Variants in ELAVL4 observed in about 807,000 individuals in gnomAD.
ELAVL4 encodes the protein ELAV like RNA binding protein 4, also known as ELAV-like protein 4.
A neutral mutation model predicts 35.6 loss-of-function variants in ELAVL4; 1 was observed. The observed-to-expected ratio is 0.03, with a 90% CI of 0.01 to 0.13. ELAVL4 has a LOEUF of 0.13. Ranked by LOEUF, ELAVL4 falls within the 10% of genes least tolerant of loss-of-function variation. ELAVL4 has a pLI of 1.00. For missense variants in ELAVL4, 267 were observed against 464.9 expected, an observed-to-expected ratio of 0.57 and a Z score of 3.91; for synonymous variants, 156 against 171.0, an observed-to-expected ratio of 0.91 and a Z score of 0.69.
At chr1:50,153,352 T>C (rs1287031929) in intron 2 of ELAVL4, among the ~76,000 whole-genome samples, 2 of 152,234 alleles carry the variant, frequency 1.3e-5, no homozygotes, top group African/African-American at 4.8e-5. Flanking sequence ...TGTTATCTCA[T>C]TGAAGCTTTA....
intron 2 of ELAVL4, among the ~76,000 whole-genome samples, chr1:50,159,251 A>G (rs1676323658): frequency 6.6e-6 from 1 of 152,122 alleles, no homozygotes; most frequent in East Asian, 1.9e-4. Flanking sequence ...TTAATTGATA[A>G]TGTTTTTTAA....
At chr1:50,170,745 A>C (rs1157602675) in intron 2 of ELAVL4, among the ~76,000 whole-genome samples, 1 of 152,186 alleles carries the variant, frequency 6.6e-6, no homozygotes, top group Non-Finnish European at 1.5e-5. Flanking sequence ...GCAAGGTTTT[A>C]AACCATTCTT....
At chr1:50,192,519 G>GCACGCA (rs1553190643) in intron 3 of ELAVL4, among the ~76,000 whole-genome samples, 15 of 140,446 alleles carry the variant, frequency 1.1e-4, no homozygotes, top group Middle Eastern at 3.6e-3. Context: ...TTGTGTGCAC[G>GCACGCA]CACACACACA....
At chr1:50,082,292 A>G (rs904180387) in intron 1 of ELAVL4, among the ~76,000 whole-genome samples, 1 of 152,180 alleles carries the variant, frequency 6.6e-6, no homozygotes, top group African/African-American at 2.4e-5. Flanking sequence ...TTACACTCCT[A>G]CCATCAGTGT....
intron 1 of ELAVL4, among the ~76,000 whole-genome samples, chr1:50,094,848 T>G (rs1393534427): frequency 6.6e-6 from 1 of 152,154 alleles, no homozygotes; most frequent in Non-Finnish European, 1.5e-5. Context: ...GATAATCTCC[T>G]GAACCCGGGA....
intron 1 of ELAVL4, among the ~76,000 whole-genome samples, chr1:50,049,294 G>T (rs958596183): frequency 6.6e-6 from 1 of 152,120 alleles, no homozygotes; most frequent in African/African-American, 2.4e-5. Flanking sequence ...GCATTTGTGC[G>T]CCTAGCTTTT....
At position 50,109,016 on chromosome 1, in the gene ELAVL4, C is replaced by CGGGGGCGGCG; in HGVS notation, c.-174_-173insGGGGGCGGCG. 1.1e-6 allele frequency: 1 copy of CGGGGGCGGCG among 905,794 alleles called. No homozygotes were observed. The highest frequency in any genetic ancestry group is 1.3e-6 in the Non-Finnish European group (1 of 761,408). 56.1% of individuals were successfully genotyped at this position (905,794 alleles called of 1,614,324 possible). On this transcript the variant is annotated 5_prime_UTR_variant, in exon 1 of 7. Transcript: ENST00000371824. ...CTCCTTTTCTTTTTTTTCTTTCTCT[C>CGGGGGCGGCG]CCCCGCCCACCCCCCCAAAAATAAT...
intron 1 of ELAVL4, among the ~76,000 whole-genome samples, chr1:50,121,389 C>T (rs190062744): frequency 4.6e-5 from 7 of 151,826 alleles, no homozygotes; most frequent in South Asian, 2.1e-4. Context: ...TATTGGGTCT[C>T]GACCGGCATT....
Position 50,145,152 on chromosome 1 carries a change from A to T in ELAVL4, c.205A>T (p.Ile69Phe). The T allele has an allele frequency of 6.2e-7, 1 of 1,614,042 alleles. No individual in the cohort carries two copies. Among genetic ancestry groups the T allele is most frequent in the Non-Finnish European group, 8.5e-7 (1 of 1,179,924 alleles). Reference sequence around the variant, plus strand: ...AGAATTCAGGAGTCTCTTCGGGAGCATTGGTGAAATAGAATCCTGCAAACT... The same window carrying T: ...AGAATTCAGGAGTCTCTTCGGGAGCTTTGGTGAAATAGAATCCTGCAAACT... ...QEEFRSLFGSIGEIESCKLVR... is the reference protein window; with the variant it reads ...QEEFRSLFGSFGEIESCKLVR... Residue 69 changes from isoleucine to phenylalanine, a missense_variant, in exon 2 of 7, where the codon ATT (isoleucine) becomes TTT (phenylalanine). Ile to Phe is a conservative substitution (Grantham distance 21). Coordinates refer to ENST00000371824, the MANE Select transcript of ELAVL4 (RefSeq NM_001144774.3).
intron 3 of ELAVL4, among the ~76,000 whole-genome samples, chr1:50,192,804 T>TA (rs1682869294): frequency 6.6e-6 from 1 of 152,166 alleles, no homozygotes; most frequent in Non-Finnish European, 1.5e-5. Context: ...GTTGTTTTCT[T>TA]AAAAAATAAA....
chr1:50,116,841 C>T (rs1223075261), intron 1 of ELAVL4, among the ~76,000 whole-genome samples: 8 of 152,082 alleles, frequency 5.3e-5, no homozygotes, highest in Non-Finnish European at 1.0e-4. Context: ...CAGCCAACCA[C>T]ACATCCAAAA....
In ELAVL4 at chr1:50,113,543, C is replaced by A. The variant is rs189935216; in HGVS notation, c.9+4345C>A. Among the ~76,000 whole-genome samples the A allele has an allele frequency of 3.6e-3, 553 of 152,120 alleles. 1 individual carries two copies. Among genetic ancestry groups the A allele is most frequent in the Middle Eastern group, 0.01 (3 of 294 alleles). ...TATATGCCTAGACATTTAATATGTA[C>A]ATTTGTTGGTGAGCTGGCCAGAGGA... is the stretch of plus-strand genomic sequence containing the variant. On this transcript the variant is annotated intron_variant, in intron 1 of 6. Coordinates refer to ENST00000371824, the MANE Select transcript of ELAVL4 (RefSeq NM_001144774.3).
At chr1:50,072,325 C>G (rs1368191349) in intron 1 of ELAVL4, among the ~76,000 whole-genome samples, 1 of 152,190 alleles carries the variant, frequency 6.6e-6, no homozygotes, top group Non-Finnish European at 1.5e-5. Context: ...TGGCCAAAAA[C>G]TAGGAGCAAG....
chr1:50,117,456 G>A (rs923668928), intron 1 of ELAVL4, among the ~76,000 whole-genome samples: 1 of 152,124 alleles, frequency 6.6e-6, no homozygotes, highest in African/African-American at 2.4e-5. Context: ...TTTGTCTTAA[G>A]AAACTGGCAA....
At chr1:50,185,771 G>GTAAA (rs1681727731) in intron 3 of ELAVL4, among the ~76,000 whole-genome samples, 1 of 152,194 alleles carries the variant, frequency 6.6e-6, no homozygotes. Flanking sequence ...GAGTAAGGGA[G>GTAAA]TAAAGAATGA....
At chr1:50,192,797 G>A (rs913268966) in intron 3 of ELAVL4, among the ~76,000 whole-genome samples, 15 of 152,080 alleles carry the variant, frequency 9.9e-5, no homozygotes, top group East Asian at 5.8e-4. Flanking sequence ...GTCTGATGTT[G>A]TTTTCTTAAA....
At chr1:50,134,182 G>T (rs1338388271) in intron 1 of ELAVL4, among the ~76,000 whole-genome samples, 2 of 152,164 alleles carry the variant, frequency 1.3e-5, no homozygotes, top group African/African-American at 4.8e-5. Context: ...ATGTGGAATA[G>T]CACATTGCTG....
rs546083134 is a variant in ELAVL4 at position 50,056,544 on chromosome 1, C to T, written c.18+8362C>T. ...TGCTGCCAATCATATAAAAGTATAG[C>T]ACATACAATTATGTACAGTATATAA... On this transcript the variant is annotated intron_variant, in intron 1 of 6. Coordinates refer to the ELAVL4 transcript ENST00000448907. Among the ~76,000 whole-genome samples the T allele has an allele frequency of 1.8e-3, 278 of 152,150 alleles. 1 individual carries two copies. Among genetic ancestry groups the T allele is most frequent in the Non-Finnish European group, 3.0e-3 (202 of 68,034 alleles).
At position 50,109,904 on chromosome 1, in the gene ELAVL4, A is replaced by G. The variant is rs753619406; in HGVS notation, c.9+706A>G. 2.5e-6 allele frequency: 4 copies of G among 1,611,730 alleles called. No individual in the cohort carries two copies. The East Asian group carries it at 6.7e-5, about 27-fold the overall frequency. ...TACATAACGTTCCTTTCCGCTTTTG[A>G]CACACTGTGTGAGGGTCCATCTTCT... On this transcript the variant is annotated intron_variant, in intron 1 of 6. Coordinates refer to ENST00000371824, the MANE Select transcript of ELAVL4 (RefSeq NM_001144774.3).
Sources: gnomAD v4.1 joint callset for allele counts (sites outside exome capture counted in the v4.1 genomes callset) on GRCh38, gnomAD v4.1.1 for gene constraint, MANE v1.5 for transcripts, NCBI Gene and HGNC (gene_info 2026-07-23, HGNC 2026-07-21) for gene names.